Variants in IDE observed in about 807,000 individuals in gnomAD.
The protein encoded by IDE is insulin degrading enzyme.
A neutral mutation model predicts 133.2 loss-of-function variants in IDE; 58 were observed. That is an observed-to-expected ratio of 0.44 (90% CI 0.35 to 0.54). The LOEUF (loss-of-function observed/expected upper bound fraction) is 0.54. Ranked by LOEUF, IDE falls within the 20% of genes least tolerant of loss-of-function variation. The pLI is 0.00. For missense variants in IDE, 981 were observed against 1,234.0 expected (o/e 0.79, Z 3.07); for synonymous variants, 396 against 421.3 (o/e 0.94, Z 0.73).
rs192158246 is a variant in IDE at position 92,455,440 on chromosome 10, C to T, written c.2964+136G>A. On this transcript the variant is annotated intron_variant, in intron 24 of 24. Coordinates refer to ENST00000265986, the MANE Select transcript of IDE (RefSeq NM_004969.4). Reference sequence around the variant, plus strand: ...GTAGTGAGCTGAGCTGAGATCGCACCACTGCACTCCAGCCTGGGTGACTGA... The same window carrying T: ...GTAGTGAGCTGAGCTGAGATCGCACTACTGCACTCCAGCCTGGGTGACTGA... The T allele has an allele frequency of 1.0e-4, 65 of 626,178 alleles. No individual in the cohort carries two copies. The East Asian group carries it at 1.7e-3, about 17-fold the overall frequency. The allele number at this position is 626,178 out of a possible 1,614,324, so 38.8% of individuals were successfully genotyped here. A position where few individuals can be genotyped will look rare whatever the true frequency, so the allele number is the denominator to read the frequency against.
chr10:92,537,261 A>C, intron 2 of IDE, 105 bp downstream of exon 2: 1 of 796,630 alleles, frequency 1.3e-6, no homozygotes, highest in Non-Finnish European at 2.0e-6. Flanking sequence ...AGGTACATGG[A>C]ACCGGTAACT....
At chr10:92,515,345 C>T (rs1210936654) in intron 4 of IDE, among the ~76,000 whole-genome samples, 5 of 150,522 alleles carry the variant, frequency 3.3e-5, no homozygotes, top group East Asian at 2.0e-4. Context: ...CTGCAAGCTC[C>T]GCCTCCCGGG....
chr10:92,465,114 T>C (rs1305162497), intron 20 of IDE, among the ~76,000 whole-genome samples: 2 of 152,180 alleles, frequency 1.3e-5, no homozygotes. Context: ...CCTAGCACAA[T>C]GGGTATTTAA....
chr10:92,489,860 C>A (rs1847238440), intron 12 of IDE, among the ~76,000 whole-genome samples: 1 of 152,152 alleles, frequency 6.6e-6, no homozygotes, highest in African/African-American at 2.4e-5. Flanking sequence ...GTTTTCTGGT[C>A]TTTTCCCAGG....
intron 1 of IDE, among the ~76,000 whole-genome samples, chr10:92,548,462 T>A (rs1246137874): frequency 6.6e-6 from 1 of 150,850 alleles, no homozygotes; most frequent in Non-Finnish European, 1.5e-5. Flanking sequence ...TCAGACAACC[T>A]TTCACAGAGT....
chr10:92,490,083 C>T (rs1409712668), intron 12 of IDE, among the ~76,000 whole-genome samples: 1 of 152,176 alleles, frequency 6.6e-6, no homozygotes, highest in South Asian at 2.1e-4. Context: ...AAACATAGCA[C>T]CTCCTGAAGT....
At chr10:92,488,481 T>A (rs1322463073) in intron 12 of IDE, among the ~76,000 whole-genome samples, 1 of 152,000 alleles carries the variant, frequency 6.6e-6, no homozygotes, top group Non-Finnish European at 1.5e-5. Flanking sequence ...AGCACAAGGT[T>A]AAGAACAAAG....
intron 23 of IDE, among the ~76,000 whole-genome samples, chr10:92,455,875 T>G (rs1245256883): frequency 6.6e-6 from 1 of 152,172 alleles, no homozygotes; most frequent in Non-Finnish European, 1.5e-5. Context: ...CATAAAACTT[T>G]GGCCACAGCA....
chr10:92,558,093 C>T (rs904330803), intron 1 of IDE, among the ~76,000 whole-genome samples: 1 of 152,110 alleles, frequency 6.6e-6, no homozygotes, highest in Non-Finnish European at 1.5e-5. Flanking sequence ...GCTCTTGTTG[C>T]CCAGGCTGGA....
intron 14 of IDE, among the ~76,000 whole-genome samples, chr10:92,481,972 CAAT>C (rs1368654613): frequency 1.3e-5 from 2 of 152,052 alleles, no homozygotes; most frequent in African/African-American, 4.8e-5. Flanking sequence ...TGCCCTTTAC[CAAT>C]AATAAGCCAC....
chr10:92,527,527 G>A (rs944876435), intron 4 of IDE, among the ~76,000 whole-genome samples: 2 of 152,000 alleles, frequency 1.3e-5, no homozygotes, highest in South Asian at 4.2e-4. Flanking sequence ...GAAATTTGGG[G>A]CATATTTACA....
intron 6 of IDE, among the ~76,000 whole-genome samples, chr10:92,509,491 G>A (rs913283035): frequency 1.2e-4 from 18 of 152,236 alleles, no homozygotes; most frequent in African/African-American, 3.6e-4. Context: ...TACTCAGGAG[G>A]CTGAGGCAGA....
intron 4 of IDE, among the ~76,000 whole-genome samples, chr10:92,531,520 T>C (rs761400414): frequency 2.6e-5 from 4 of 152,200 alleles, no homozygotes; most frequent in Non-Finnish European, 5.9e-5. Context: ...TATTCACAAC[T>C]CTAACTGCTC....
chr10:92,497,216 C>T (rs1344330208), intron 11 of IDE, among the ~76,000 whole-genome samples: 1 of 152,086 alleles, frequency 6.6e-6, no homozygotes, highest in Non-Finnish European at 1.5e-5. Context: ...AAAACAGGCA[C>T]CAAATGATAG....
chr10:92,537,512 G>T lies in IDE; in HGVS notation c.137C>A (p.Ala46Asp). The T allele has an allele frequency of 6.2e-7, 1 of 1,605,440 alleles. No individual in the cohort carries two copies. Among genetic ancestry groups the T allele is most frequent in the East Asian group, 2.2e-5 (1 of 44,834 alleles). ...AATGTGATTTCCTATTCTCTTGATG[G>T]CTGGATTATTCATTTTGCTGTAAGT... is the stretch of plus-strand genomic sequence containing the variant. ...KKTYSKMNNP[A>D]IKRIGNHITK... The change falls in exon 2 of 25, where the codon GCC (alanine) becomes GAC (aspartate). Residue 46 changes from alanine to aspartate, a missense_variant. Ala to Asp is a moderately radical substitution (Grantham distance 126). Transcript: ENST00000265986.
rs1846828265 is a variant in IDE, at chr10:92,484,339, C to T, written c.1657-1002G>A. On this transcript the variant is annotated intron_variant, in intron 13 of 24. Transcript: ENST00000265986. The stretch of plus-strand genomic sequence containing the variant: ...GGCAGGAGAATAGTTTGAACCAGGA[C>T]TCGGGAGGCAGAGGTTGCAGTGAGC... Among the ~76,000 whole-genome samples, 3 of 152,228 alleles carry T rather than the reference C, an allele frequency of 2.0e-5. 1 individual carries two copies. The highest frequency in any genetic ancestry group is 1.3e-4 in the Admixed American group (2 of 15,278).
chr10:92,500,716 C>T (rs569937209), intron 11 of IDE, among the ~76,000 whole-genome samples: 25 of 151,868 alleles, frequency 1.6e-4, no homozygotes, highest in African/African-American at 5.5e-4. Context: ...ATACTAATGT[C>T]CTCAAATCTA....
intron 1 of IDE, among the ~76,000 whole-genome samples, chr10:92,573,362 G>T (rs1326509823): frequency 1.3e-5 from 2 of 152,162 alleles, no homozygotes; most frequent in Non-Finnish European, 2.9e-5. Context: ...AATGTCCCCC[G>T]ATAGGAAACC....
At chr10:92,479,614 T>A in intron 14 of IDE, 193 bp from the exon 15 acceptor site, 17 of 424,768 alleles carry the variant, frequency 4.0e-5, no homozygotes, top group South Asian at 6.8e-5. Flanking sequence ...TGTGTGAGTG[T>A]GTGTGTGTGT....
Sources: gnomAD v4.1 joint callset for allele counts (sites outside exome capture counted in the v4.1 genomes callset) on GRCh38, gnomAD v4.1.1 for gene constraint, MANE v1.5 for transcripts, NCBI Gene and HGNC (gene_info 2026-07-23, HGNC 2026-07-21) for gene names.